Variants in STAT4 observed in about 807,000 individuals in gnomAD.
The protein encoded by STAT4 is signal transducer and activator of transcription 4.
In STAT4, 42 loss-of-function variants were observed where a neutral mutation model predicts 110.5. The ratio of observed to expected loss-of-function variants is 0.38; its 90% CI spans 0.30 to 0.49. The LOEUF (loss-of-function observed/expected upper bound fraction) is 0.49. STAT4 is among the 20% of genes least tolerant of loss of function. The probability of loss-of-function intolerance (pLI) is 0.95; values close to 1 mark genes in which losing one functional copy is unlikely to be tolerated. For missense variants in STAT4, 632 were observed against 887.9 expected (o/e 0.71, Z 3.66); for synonymous variants, 284 against 302.2 (o/e 0.94, Z 0.63).
chr2:191,055,471 G>A (rs182968040), intron 13 of STAT4, among the ~76,000 whole-genome samples: 12 of 146,670 alleles, frequency 8.2e-5, no homozygotes, highest in Non-Finnish European at 1.2e-4. Context: ...CACCCGCCTC[G>A]GCCTCCCAAA....
chr2:191,111,576 AGT>A (rs1165172013), intron 3 of STAT4, among the ~76,000 whole-genome samples: 1 of 152,150 alleles, frequency 6.6e-6, no homozygotes, highest in East Asian at 1.9e-4. Context: ...CATGGGGCCG[AGT>A]GTGATGGCTC....
rs1695950364 is a variant in STAT4, at chr2:191,033,244, T to A, written c.1853-95A>T. ...CCACATTATCTTCATGCCACTGGAG[T>A]GACTTGTCAGTTCATGTCACTTCAA... On this transcript the variant is annotated intron_variant, in intron 20 of 23. Transcript: ENST00000392320. This position sits in a 1 kb window ranked among gnomAD's most constrained non-coding sequence, Gnocchi z 6.9. 7.5e-7 allele frequency: 1 copy of A among 1,337,654 alleles called. No individual in the cohort carries two copies. Among genetic ancestry groups the A allele is most frequent in the Admixed American group, 2.4e-5 (1 of 42,536 alleles). 82.9% of individuals were successfully genotyped at this position (1,337,654 alleles called of 1,614,324 possible). A position where few individuals can be genotyped will look rare whatever the true frequency, so the allele number is the denominator to read the frequency against.
chr2:191,133,827 G>A (rs971672366), intron 3 of STAT4, among the ~76,000 whole-genome samples: 2 of 151,778 alleles, frequency 1.3e-5, no homozygotes, highest in Non-Finnish European at 1.5e-5. Flanking sequence ...ACACAAAATC[G>A]CATATGAATG....
chr2:191,148,562 A>G (rs1221526380), intron 1 of STAT4, among the ~76,000 whole-genome samples: 1 of 152,216 alleles, frequency 6.6e-6, no homozygotes, highest in Non-Finnish European at 1.5e-5. Context: ...TTAGACTTGG[A>G]GCAACTTGAA....
At chr2:191,149,359 A>T (rs2125466591) in intron 1 of STAT4, among the ~76,000 whole-genome samples, 1 of 152,340 alleles carries the variant, frequency 6.6e-6, no homozygotes, top group African/African-American at 2.4e-5. Context: ...TTTATAAAAA[A>T]ACGTGTTGCC....
Position 191,062,692 on chromosome 2 carries a change from A to G in STAT4, c.941+70T>C, listed in dbSNP as rs1696882703. ...ACTTCCCTGCCACTCTTCCACCTAA[A>G]CACCAAAACCTTAGGAAGGGTGTTC... On this transcript the variant is annotated intron_variant, in intron 9 of 23. Transcript: ENST00000392320. The surrounding 1 kb of genome is among the most constrained non-coding windows in gnomAD (Gnocchi z 4.9). 5.1e-6 allele frequency: 8 copies of G among 1,568,646 alleles called. No individual in the cohort carries two copies. The highest frequency in any genetic ancestry group is 7.0e-6 in the Non-Finnish European group (8 of 1,147,688).
chr2:191,029,741 A>G lies in STAT4; in HGVS notation c.*99T>C. 8.9e-7 allele frequency: 1 copy of G among 1,120,892 alleles called. No individual in the cohort carries two copies. Among genetic ancestry groups the G allele is most frequent in the Non-Finnish European group, 1.3e-6 (1 of 761,168 alleles). 69.4% of individuals were successfully genotyped at this position (1,120,892 alleles called of 1,614,324 possible). On this transcript the variant is annotated 3_prime_UTR_variant, in exon 24 of 24. Transcript: ENST00000392320. The surrounding 1 kb of genome is among the most constrained non-coding windows in gnomAD (Gnocchi z 4.5). ...TGTCAAACATTTCCTAGAACCTGGT[A>G]TTTACAAAGCTGAAGAAATAAAATG...
intron 3 of STAT4, among the ~76,000 whole-genome samples, chr2:191,145,127 CAT>C: frequency 6.6e-6 from 1 of 152,092 alleles, no homozygotes; most frequent in South Asian, 2.1e-4. Context: ...TATATACACA[CAT>C]ATATAATACA....
At chr2:191,120,578 G>T (rs562480403) in intron 3 of STAT4, among the ~76,000 whole-genome samples, 23 of 152,178 alleles carry the variant, frequency 1.5e-4, no homozygotes, top group Non-Finnish European at 2.6e-4. Context: ...ATTTCTGAGG[G>T]TTCTGTTCTG....
In STAT4 at chr2:191,142,945, C is replaced by T. The variant is rs529832372; in HGVS notation, c.273+3668G>A. On this transcript the variant is annotated intron_variant, in intron 3 of 23. Transcript: ENST00000392320. The surrounding 1 kb of genome is among the most constrained non-coding windows in gnomAD (Gnocchi z 4.1). ...TCAAAACCCATAAAATTATACAACA[C>T]AAGGAGTGAATCTTAATGTAGTCTT... is the stretch of plus-strand genomic sequence containing the variant. Among the ~76,000 whole-genome samples the T allele has an allele frequency of 1.1e-4, 17 of 152,132 alleles. No individual in the cohort carries two copies. The highest frequency in any genetic ancestry group is 4.1e-4 in the African/African-American group (17 of 41,496).
At chr2:191,047,439 C>A (rs1013887213) in intron 14 of STAT4, among the ~76,000 whole-genome samples, 2 of 152,110 alleles carry the variant, frequency 1.3e-5, no homozygotes, top group Non-Finnish European at 2.9e-5. Flanking sequence ...TGGGGGCAGA[C>A]TTGTGGGACT....
chr2:191,111,577 G>C (rs114592609), intron 3 of STAT4, among the ~76,000 whole-genome samples: 1 of 152,176 alleles, frequency 6.6e-6, no homozygotes, highest in Non-Finnish European at 1.5e-5. Context: ...ATGGGGCCGA[G>C]TGTGATGGCT....
Position 191,077,724 on chromosome 2 carries a change from A to T in STAT4, c.274-1399T>A, listed in dbSNP as rs1328293082. Among the ~76,000 whole-genome samples, 2 of 152,198 alleles carry T rather than the reference A, an allele frequency of 1.3e-5. No homozygotes were observed. The highest frequency in any genetic ancestry group is 2.4e-5 in the African/African-American group (1 of 41,460). On this transcript the variant is annotated intron_variant, in intron 3 of 23. Coordinates refer to ENST00000392320, the MANE Select transcript of STAT4 (RefSeq NM_003151.4). This position sits in a 1 kb window ranked among gnomAD's most constrained non-coding sequence, Gnocchi z 4.1. ...TAATTACTTCTATTTGTTTTATTAA[A>T]TGATGTATGTTAATTACCACTTCTA...
At chr2:191,141,399 A>C (rs1254068215) in intron 3 of STAT4, among the ~76,000 whole-genome samples, 2 of 147,680 alleles carry the variant, frequency 1.4e-5, no homozygotes, top group East Asian at 3.9e-4. Context: ...TATATATCAT[A>C]TATATACATA....
chr2:191,054,394 A>G, intron 14 of STAT4, 96 bp downstream of exon 14: 1 of 1,007,674 alleles, frequency 9.9e-7, no homozygotes, highest in Non-Finnish European at 1.5e-6. Context: ...CATGAATTTG[A>G]TTTTATATGA....
chr2:191,140,850 A>G lies in STAT4; in HGVS notation c.273+5763T>C, dbSNP rs1383493792. On this transcript the variant is annotated intron_variant, in intron 3 of 23. Transcript: ENST00000392320. The surrounding 1 kb of genome is among the most constrained non-coding windows in gnomAD (Gnocchi z 4.4). The stretch of plus-strand genomic sequence containing the variant: ...AAGGAACCAACCTAAGTGTCCATCA[A>G]CCAATGAGTAGATAAAGAAAATGTG... 1.3e-5 allele frequency among the ~76,000 whole-genome samples: 2 copies of G among 152,244 alleles called. No homozygotes were observed. The highest frequency in any genetic ancestry group is 2.4e-5 in the African/African-American group (1 of 41,460).
chr2:191,076,160 A>G, intron 4 of STAT4, 67 bp downstream of exon 4: 1 of 1,329,820 alleles, frequency 7.5e-7, no homozygotes, highest in Non-Finnish European at 1.1e-6. Context: ...TACCAAAGAT[A>G]ATAATTTCTG....
rs1696772555 is a variant in STAT4 at position 191,058,787 on chromosome 2, T to C, written c.1035-18A>G. 6.7e-7 allele frequency: 1 copy of C among 1,490,680 alleles called. No individual in the cohort carries two copies. Among genetic ancestry groups the C allele is most frequent in the South Asian group, 1.2e-5 (1 of 81,064 alleles). 92.3% of individuals were successfully genotyped at this position (1,490,680 alleles called of 1,614,324 possible). A position where few individuals can be genotyped will look rare whatever the true frequency, so the allele number is the denominator to read the frequency against. On this transcript the variant is annotated intron_variant, in intron 10 of 23. Transcript: ENST00000392320. This position sits in a 1 kb window ranked among gnomAD's most constrained non-coding sequence, Gnocchi z 4.3. The stretch of plus-strand genomic sequence containing the variant: ...TTAGTAGCCTGGAAAGAGATATCAA[T>C]AAAAAAAATCAAAGATAAAAATTAA...
chr2:191,033,823 G>T lies in STAT4; in HGVS notation c.1715+88C>A. On this transcript the variant is annotated intron_variant, in intron 19 of 23. Transcript: ENST00000392320. The surrounding 1 kb of genome is among the most constrained non-coding windows in gnomAD (Gnocchi z 6.9). ...TATTTTTTTCTGTGGTACTAAACAT[G>T]CTTAAGAGAAAAAGAAAGAAGAAAA... is the stretch of plus-strand genomic sequence containing the variant. 7.3e-7 allele frequency: 1 copy of T among 1,377,514 alleles called. No homozygotes were observed. The highest frequency in any genetic ancestry group is 1.0e-6 in the Non-Finnish European group (1 of 1,004,878). The allele number at this position is 1,377,514 out of a possible 1,614,324, so 85.3% of individuals were successfully genotyped here. A position where few individuals can be genotyped will look rare whatever the true frequency, so the allele number is the denominator to read the frequency against.
Sources: allele counts gnomAD v4.1 joint callset (sites outside exome capture counted in the v4.1 genomes callset), GRCh38; gene constraint gnomAD v4.1.1; non-coding constraint Gnocchi (gnomAD v3.1); transcripts MANE v1.5; gene names NCBI Gene and HGNC (gene_info 2026-07-23, HGNC 2026-07-21).